Variants in PTPN21 observed in about 807,000 individuals in gnomAD.
PTPN21 encodes tyrosine-protein phosphatase non-receptor type 21.
Under a neutral mutation model 131.8 loss-of-function variants are expected in PTPN21, and 77 were observed. The ratio of observed to expected loss-of-function variants is 0.58; its 90% CI spans 0.49 to 0.71. The LOEUF (loss-of-function observed/expected upper bound fraction) is 0.71, where lower values mean the gene tolerates loss of function less well. PTPN21 is among the 30% of genes least tolerant of loss of function. PTPN21 has a pLI of 0.00. For synonymous variants in PTPN21, 715 were observed against 621.3 expected, an observed-to-expected ratio of 1.15 and a Z score of -2.24; for missense variants, 1,552 against 1,527.1, an observed-to-expected ratio of 1.02 and a Z score of -0.27.
At chr14:88,468,761 A>C (rs1252791352) in intron 18 of PTPN21, among the ~76,000 whole-genome samples, 155 bp downstream of exon 18, 1 of 152,220 alleles carries the variant, frequency 6.6e-6, no homozygotes, top group Non-Finnish European at 1.5e-5. Context: ...AGACTCTCCA[A>C]GAAGACACAG....
intron 14 of PTPN21, among the ~76,000 whole-genome samples, chr14:88,473,338 G>A (rs2077499572): frequency 6.6e-6 from 1 of 152,094 alleles, no homozygotes; most frequent in Admixed American, 6.6e-5. Flanking sequence ...AATGTCTGCT[G>A]CTTTTCCCCT....
At chr14:88,496,542 G>A (rs751085222) in intron 9 of PTPN21, 50 bp from the exon 10 acceptor site, 10 of 1,377,278 alleles carry the variant, frequency 7.3e-6, no homozygotes, top group Middle Eastern at 1.8e-4. Context: ...CATACAACTT[G>A]ATACGTTTAA....
At chr14:88,502,193 TC>T (rs754441759) in intron 6 of PTPN21, among the ~76,000 whole-genome samples, 10 of 152,046 alleles carry the variant, frequency 6.6e-5, no homozygotes, top group Non-Finnish European at 1.0e-4. Flanking sequence ...CTTCCGATGC[TC>T]CCCGCTGTCC....
chr14:88,518,424 T>C (rs1429763283), intron 2 of PTPN21, among the ~76,000 whole-genome samples: 1 of 23,536 alleles, frequency 4.2e-5, no homozygotes, highest in African/African-American at 1.3e-4. Flanking sequence ...ATTTTTTTTT[T>C]TTTTTTTTTT....
Position 88,479,487 on chromosome 14 carries a change from C to T in PTPN21, c.1944G>A (p.Glu648=), listed in dbSNP as rs758154722. The change falls in exon 13 of 19, where the codon GAG becomes GAA. Residue 648 remains glutamate (E), a synonymous_variant. Coordinates refer to ENST00000556564, the MANE Select transcript of PTPN21 (RefSeq NM_007039.4). ...GGGTGCGCTCCTTGAGCCGCAGGCC[C>T]TCCAGGCCGTGGCTGAGCCCGGCCA... ...IEVAGLSHGL[E]GLRLKERTLS... 53 of 1,601,680 alleles carry T rather than the reference C, an allele frequency of 3.3e-5. No homozygotes were observed. In the South Asian group the frequency reaches 5.7e-4, roughly 17 times the overall value.
intron 2 of PTPN21, among the ~76,000 whole-genome samples, chr14:88,534,222 A>G (rs2078595812): frequency 6.6e-6 from 1 of 150,940 alleles, no homozygotes; most frequent in African/African-American, 2.4e-5. Context: ...AAAAATTAAA[A>G]AAAAGGGGGG....
intron 10 of PTPN21, among the ~76,000 whole-genome samples, chr14:88,493,895 G>C (rs1401389110): frequency 6.6e-6 from 1 of 152,186 alleles, no homozygotes; most frequent in African/African-American, 2.4e-5. Flanking sequence ...CTATAGATTA[G>C]CTGAACAAAT....
chr14:88,518,975 CTACACACACACACA>C (rs781747462), intron 2 of PTPN21, among the ~76,000 whole-genome samples: 3 of 85,938 alleles, frequency 3.5e-5, no homozygotes, highest in Non-Finnish European at 4.8e-5. Flanking sequence ...CTCTCTCTCC[CTACACACACACACA>C]TACACACACA....
At chr14:88,482,461 C>A (rs1450299857) in intron 12 of PTPN21, among the ~76,000 whole-genome samples, 1 of 152,074 alleles carries the variant, frequency 6.6e-6, no homozygotes, top group African/African-American at 2.4e-5. Context: ...CCCATCTCTA[C>A]TAAAAATACA....
At chr14:88,517,056 C>T (rs1447546959) in intron 3 of PTPN21, 36 bp downstream of exon 3, 4 of 1,607,770 alleles carry the variant, frequency 2.5e-6, no homozygotes. Context: ...TCTCACTAGA[C>T]TATTTCCTAA....
At position 88,480,331 on chromosome 14, in the gene PTPN21, T is replaced by C; in HGVS notation, c.1100A>G (p.Gln367Arg). 1 of 1,612,950 alleles carries C rather than the reference T, an allele frequency of 6.2e-7. No individual in the cohort carries two copies. Among genetic ancestry groups the C allele is most frequent in the African/African-American group, 1.3e-5 (1 of 75,052 alleles). Residue 367 changes from glutamine (Q) to arginine (R), a missense_variant, in exon 13 of 19, where the codon CAG becomes CGG. Physicochemically the swap from Gln to Arg is conservative, Grantham distance 43 (BLOSUM62 1). Around this residue, in one of 4 missense-constraint regions of PTPN21, gnomAD observed 1,016 missense variants for 883.5 expected, o/e 1.15. Transcript: ENST00000556564. The part of the protein sequence containing the change: ...SSQDNLFVPN[Q>R]NGYYCHSQTS... ...CTGAGAGTGACAGTAGTATCCGTTCTGGTTGGGCACAAAGAGGTTATCTAG... is the reference window on the plus strand; with the variant it reads ...CTGAGAGTGACAGTAGTATCCGTTCCGGTTGGGCACAAAGAGGTTATCTAG...
At chr14:88,520,448 A>C (rs533066242) in intron 2 of PTPN21, among the ~76,000 whole-genome samples, 1 of 152,258 alleles carries the variant, frequency 6.6e-6, no homozygotes, top group African/African-American at 2.4e-5. Context: ...GCATGCAAAT[A>C]AAATTTTTGA....
Position 88,468,148 on chromosome 14 carries a change from T to C in PTPN21, c.3514A>G (p.Arg1172Gly), listed in dbSNP as rs766448555. ...GAAATTGTGGGAGCTTAGATGAGCCTGGAGCTTTTCAGGAACTGGATGAGG... is the reference window on the plus strand; with the variant it reads ...GAAATTGTGGGAGCTTAGATGAGCCCGGAGCTTTTCAGGAACTGGATGAGG... Reference protein sequence around the residue: ...RVLIQFLKSSRLI With the variant: ...RVLIQFLKSSGLI Residue 1172 changes from arginine (R) to glycine (G), a missense_variant, in exon 19 of 19, where the codon AGG (arginine) becomes GGG (glycine). Coordinates refer to ENST00000556564, the MANE Select transcript of PTPN21 (RefSeq NM_007039.4). The C allele has an allele frequency of 6.2e-7, 1 of 1,614,028 alleles. No individual in the cohort carries two copies. The highest frequency in any genetic ancestry group is 8.5e-7 in the Non-Finnish European group (1 of 1,179,886).
chr14:88,528,826 T>A (rs1362825606), intron 2 of PTPN21, among the ~76,000 whole-genome samples: 1 of 152,236 alleles, frequency 6.6e-6, no homozygotes, highest in East Asian at 1.9e-4. Context: ...ATCAGCAGCA[T>A]GAAAACAGAC....
intron 5 of PTPN21, 111 bp from the exon 6 acceptor site, chr14:88,504,606 T>C: frequency 1.3e-6 from 1 of 798,420 alleles, no homozygotes. Context: ...AAATTATGAC[T>C]ATTGTTACTA....
intron 2 of PTPN21, among the ~76,000 whole-genome samples, chr14:88,542,869 T>C (rs571551644): frequency 6.6e-6 from 1 of 152,342 alleles, no homozygotes; most frequent in African/African-American, 2.4e-5. Flanking sequence ...TAGCTCTAAC[T>C]GAAAATATTC....
At chr14:88,525,781 C>G (rs1285943065) in intron 2 of PTPN21, among the ~76,000 whole-genome samples, 1 of 152,016 alleles carries the variant, frequency 6.6e-6, no homozygotes, top group Non-Finnish European at 1.5e-5. Flanking sequence ...CTGCAATAAC[C>G]AAAAGGTGGA....
chr14:88,470,389 C>A, intron 15 of PTPN21: 1 of 227,468 alleles, frequency 4.4e-6, no homozygotes. Context: ...TCTATGGTAC[C>A]TGGCACATAA....
intron 13 of PTPN21, among the ~76,000 whole-genome samples, chr14:88,477,808 G>A (rs1250526606): frequency 4.6e-5 from 7 of 152,168 alleles, no homozygotes; most frequent in African/African-American, 1.7e-4. Context: ...CCTGAGCACT[G>A]CAACAAAATC....
Sources: allele counts gnomAD v4.1 joint callset (sites outside exome capture counted in the v4.1 genomes callset), GRCh38; gene constraint gnomAD v4.1.1; regional missense constraint gnomAD v4.1.1; transcripts MANE v1.5; gene names NCBI Gene and HGNC (gene_info 2026-07-23, HGNC 2026-07-21).